SLC49A4: variants seen among roughly 807,000 people sequenced by gnomAD.
SLC49A4 encodes disrupted in renal cancer protein 2.
A neutral mutation model predicts 50.6 loss-of-function variants in SLC49A4; 36 were observed. That is an observed-to-expected ratio of 0.71 (90% CI 0.55 to 0.94). The LOEUF is 0.94. SLC49A4 is among the 40% of genes least tolerant of loss of function. SLC49A4 has a pLI of 0.00. For missense variants in SLC49A4, 503 were observed against 605.7 expected, an observed-to-expected ratio of 0.83 and a Z score of 1.78; for synonymous variants, 248 against 241.2, an observed-to-expected ratio of 1.03 and a Z score of -0.26.
In SLC49A4 at chr3:122,821,936, T is replaced by A. The variant is rs117404520; in HGVS notation, c.438-4864T>A. ...AATAGAACTGATCTGATGTATGCAT[T>A]TGGATAACTTTGTGAAGTTTTGGAA... On this transcript the variant is annotated intron_variant, in intron 2 of 8. Coordinates refer to ENST00000261038, the MANE Select transcript of SLC49A4 (RefSeq NM_032839.3). Among the ~76,000 whole-genome samples the A allele has an allele frequency of 8.5e-4, 129 of 152,288 alleles. 3 individuals are homozygous for A. The East Asian group carries it at 0.02, about 24-fold the overall frequency.
At chr3:122,811,920 T>C (rs1307901386) in intron 2 of SLC49A4, among the ~76,000 whole-genome samples, 1 of 152,172 alleles carries the variant, frequency 6.6e-6, no homozygotes, top group Non-Finnish European at 1.5e-5. Flanking sequence ...TTACTTTTTA[T>C]TTTTTACTAC....
At position 122,819,063 on chromosome 3, in the gene SLC49A4, A is replaced by G. The variant is rs576641632; in HGVS notation, c.438-7737A>G. On this transcript the variant is annotated intron_variant, in intron 2 of 8. Coordinates refer to ENST00000261038, the MANE Select transcript of SLC49A4 (RefSeq NM_032839.3). The stretch of plus-strand genomic sequence containing the variant: ...GAGGCCAGGAGGACTAGCCTGGGTA[A>G]CATAGCAAGACCCTGTCTCTACAAA... 1.2e-4 allele frequency among the ~76,000 whole-genome samples: 18 copies of G among 152,000 alleles called. No individual in the cohort carries two copies. In the East Asian group the frequency reaches 1.4e-3, roughly 11 times the overall value.
rs573114619 is a variant in SLC49A4, at chr3:122,829,743, A to G, written c.703+2678A>G. Among the ~76,000 whole-genome samples, 5 of 152,296 alleles carry G rather than the reference A, an allele frequency of 3.3e-5. No homozygotes were observed. The South Asian group carries it at 1.0e-3, about 32-fold the overall frequency. On this transcript the variant is annotated intron_variant, in intron 3 of 8. Transcript: ENST00000261038. ...CTCCAGCCTGGGTGACAAACAAACA[A>G]ACAAACAAAAAACCTGGAGGTAACA...
chr3:122,862,301 T>C (rs1937066680), intron 7 of SLC49A4, among the ~76,000 whole-genome samples: 1 of 152,228 alleles, frequency 6.6e-6, no homozygotes, highest in Non-Finnish European at 1.5e-5. Context: ...AAAAAATTAC[T>C]GAGACGCTAG....
intron 4 of SLC49A4, among the ~76,000 whole-genome samples, chr3:122,838,065 C>T (rs1936715284): frequency 6.6e-6 from 1 of 151,530 alleles, no homozygotes; most frequent in African/African-American, 2.4e-5. Context: ...ACAACAGGTG[C>T]TGGAGAGGAT....
At chr3:122,866,856 C>T (rs562281230) in intron 7 of SLC49A4, among the ~76,000 whole-genome samples, 11 of 152,278 alleles carry the variant, frequency 7.2e-5, no homozygotes, top group Admixed American at 3.3e-4. Context: ...CACACTTTTC[C>T]TGCTGCATTC....
At chr3:122,812,136 T>C (rs1477023225) in intron 2 of SLC49A4, among the ~76,000 whole-genome samples, 1 of 152,126 alleles carries the variant, frequency 6.6e-6, no homozygotes, top group Admixed American at 6.5e-5. Context: ...TTAAATTTTT[T>C]GTAGAGACAG....
intron 7 of SLC49A4, among the ~76,000 whole-genome samples, chr3:122,863,418 T>A (rs1459021108): frequency 6.6e-6 from 1 of 152,222 alleles, no homozygotes; most frequent in Non-Finnish European, 1.5e-5. Flanking sequence ...TAAATGTTAC[T>A]TGTTGCCAGT....
chr3:122,797,364 A>G lies in SLC49A4; in HGVS notation c.343+1829A>G, dbSNP rs549346270. ...TGTAAAATGAAGGGAACTTGTGTGTATCACACTTCAAAAAGAAACTTGAGG... is the reference window on the plus strand; with the variant it reads ...TGTAAAATGAAGGGAACTTGTGTGTGTCACACTTCAAAAAGAAACTTGAGG... On this transcript the variant is annotated intron_variant, in intron 1 of 8. Coordinates refer to ENST00000261038, the MANE Select transcript of SLC49A4 (RefSeq NM_032839.3). 7.2e-5 allele frequency among the ~76,000 whole-genome samples: 11 copies of G among 152,358 alleles called. 1 individual carries two copies. In the South Asian group the frequency reaches 2.3e-3, roughly 32 times the overall value.
Position 122,795,106 on chromosome 3 carries a change from T to C in SLC49A4, c.-87T>C. ...GAGGGCGACCACAGCAGCCTCCGCC[T>C]CCTGCTGCTCAGGACTATTCTGCGC... On this transcript the variant is annotated 5_prime_UTR_variant, in exon 1 of 9. Transcript: ENST00000261038. 1 of 1,223,376 alleles carries C rather than the reference T, an allele frequency of 8.2e-7. No individual in the cohort carries two copies. The highest frequency in any genetic ancestry group is 1.0e-6 in the Non-Finnish European group (1 of 981,108). 75.8% of individuals were successfully genotyped at this position (1,223,376 alleles called of 1,614,324 possible).
At chr3:122,863,427 G>C (rs1373942350) in intron 7 of SLC49A4, among the ~76,000 whole-genome samples, 2 of 152,238 alleles carry the variant, frequency 1.3e-5, no homozygotes, top group Non-Finnish European at 2.9e-5. Flanking sequence ...CTTGTTGCCA[G>C]TGGTAGTCAG....
intron 4 of SLC49A4, among the ~76,000 whole-genome samples, chr3:122,834,927 A>G (rs180742571): frequency 1.7e-4 from 26 of 152,310 alleles, no homozygotes; most frequent in Admixed American, 7.8e-4. Context: ...GAACACCTCT[A>G]TGGACACAAA....
intron 7 of SLC49A4, among the ~76,000 whole-genome samples, chr3:122,870,843 T>TAATAATAA (rs71136596): frequency 2.8e-3 from 417 of 147,688 alleles, no homozygotes; most frequent in East Asian, 0.015. Flanking sequence ...ATAATAATAA[T>TAATAATAA]TAATTAATAA....
intron 3 of SLC49A4, among the ~76,000 whole-genome samples, chr3:122,828,709 G>A (rs1936570771): frequency 6.6e-6 from 1 of 151,972 alleles, no homozygotes; most frequent in African/African-American, 2.4e-5. Flanking sequence ...TGAAAGCAAG[G>A]GTAGCAGCAG....
intron 2 of SLC49A4, among the ~76,000 whole-genome samples, chr3:122,822,773 T>G (rs967407847): frequency 2.0e-5 from 3 of 151,630 alleles, no homozygotes; most frequent in Non-Finnish European, 4.4e-5. Context: ...GTTGTTATTC[T>G]CTAGTGTTTC....
intron 1 of SLC49A4, among the ~76,000 whole-genome samples, chr3:122,803,622 C>T (rs1224698432): frequency 6.6e-6 from 1 of 152,198 alleles, no homozygotes; most frequent in African/African-American, 2.4e-5. Flanking sequence ...TTCACTTCAG[C>T]TGATGGAAGT....
At chr3:122,798,054 GA>G (rs1295395464) in intron 1 of SLC49A4, among the ~76,000 whole-genome samples, 4 of 152,014 alleles carry the variant, frequency 2.6e-5, no homozygotes, top group Non-Finnish European at 4.4e-5. Flanking sequence ...TTTTTAAAAA[GA>G]AAAAAGATTG....
At chr3:122,870,272 G>A (rs1026846752) in intron 7 of SLC49A4, among the ~76,000 whole-genome samples, 18 of 151,712 alleles carry the variant, frequency 1.2e-4, no homozygotes, top group African/African-American at 3.9e-4. Context: ...GTATTTTCTT[G>A]TTTTAAACTC....
At chr3:122,812,562 C>A (rs1388932731) in intron 2 of SLC49A4, among the ~76,000 whole-genome samples, 1 of 152,124 alleles carries the variant, frequency 6.6e-6, no homozygotes, top group Non-Finnish European at 1.5e-5. Context: ...TTGAGTGAAC[C>A]CTGAGAATGA....
Sources: allele counts gnomAD v4.1 joint callset (sites outside exome capture counted in the v4.1 genomes callset), GRCh38; gene constraint gnomAD v4.1.1; transcripts MANE v1.5; gene names NCBI Gene and HGNC (gene_info 2026-07-23, HGNC 2026-07-21).